The following GRIN2B variants were observed in gnomAD, a reference collection of about 807,000 sequenced individuals.
GRIN2B encodes glutamate ionotropic receptor NMDA type subunit 2B, also known as glutamate receptor ionotropic, NMDA 2B.
In GRIN2B, 5 loss-of-function variants were observed where a neutral mutation model predicts 114.5. The observed-to-expected ratio is 0.04, with a 90% confidence interval of 0.02 to 0.09. The LOEUF is 0.09. GRIN2B is among the 10% of genes least tolerant of loss of function. GRIN2B has a pLI of 1.00. For missense variants in GRIN2B, 1,108 were observed against 1,943.5 expected (o/e 0.57, Z 8.08); for synonymous variants, 787 against 745.1 (o/e 1.06, Z -0.92).
chr12:13,787,290 G>A (rs931997074), intron 3 of GRIN2B, among the ~76,000 whole-genome samples: 8 of 152,176 alleles, frequency 5.3e-5, no homozygotes, highest in South Asian at 2.1e-4. Flanking sequence ...TATCGGACAC[G>A]TATCATCAGA....
intron 2 of GRIN2B, among the ~76,000 whole-genome samples, chr12:13,908,004 C>T (rs750404189): frequency 1.3e-5 from 2 of 151,900 alleles, no homozygotes; most frequent in Non-Finnish European, 2.9e-5. Flanking sequence ...TTTAAAAAGT[C>T]CTAATTCAAC....
intron 11 of GRIN2B, among the ~76,000 whole-genome samples, chr12:13,570,487 G>T (rs537805363): frequency 3.9e-5 from 6 of 152,168 alleles, no homozygotes; most frequent in Non-Finnish European, 7.4e-5. Flanking sequence ...GGTCAGGAAG[G>T]TTCCAGTATT....
At chr12:13,605,141 G>A (rs893557365) in intron 10 of GRIN2B, among the ~76,000 whole-genome samples, 4 of 150,634 alleles carry the variant, frequency 2.7e-5, no homozygotes, top group African/African-American at 1.0e-4. Flanking sequence ...GTCAGACAGA[G>A]GAATAGGTGG....
At chr12:13,959,701 C>T (rs953473264) in intron 2 of GRIN2B, among the ~76,000 whole-genome samples, 18 of 150,454 alleles carry the variant, frequency 1.2e-4, no homozygotes, top group East Asian at 3.9e-4. Flanking sequence ...AATGTGTTGG[C>T]GAAGAGATGC....
intron 2 of GRIN2B, among the ~76,000 whole-genome samples, chr12:13,913,835 TTCTC>T (rs1366937647): frequency 1.3e-5 from 2 of 152,174 alleles, no homozygotes; most frequent in Non-Finnish European, 2.9e-5. Context: ...ACAACTTACT[TTCTC>T]TCTCCAAACC....
intron 3 of GRIN2B, among the ~76,000 whole-genome samples, chr12:13,761,505 A>G (rs923640895): frequency 1.3e-5 from 2 of 152,238 alleles, no homozygotes; most frequent in Non-Finnish European, 2.9e-5. Flanking sequence ...AGATACCTAA[A>G]CGAATTACAG....
In GRIN2B at chr12:13,547,053, A is replaced by G. The variant is rs904234916; in HGVS notation, c.*15730T>C. 20 of 152,234 alleles carry G rather than the reference A, an allele frequency of 1.3e-4. No homozygotes were observed. Among genetic ancestry groups the G allele is most frequent in the African/African-American group, 4.6e-4 (19 of 41,456 alleles). 9.4% of individuals were successfully genotyped at this position (152,234 alleles called of 1,614,324 possible). On this transcript the variant is annotated 3_prime_UTR_variant, in exon 14 of 14. Transcript: ENST00000609686. ...ACTTCCTAAGTTAAAAAATGATGAGAAAACCATGAAAAATTACTGTCAAGG... is the reference window on the plus strand; with the variant it reads ...ACTTCCTAAGTTAAAAAATGATGAGGAAACCATGAAAAATTACTGTCAAGG...
rs997257860 is a variant in GRIN2B, at chr12:13,545,867, C to T, written c.*16916G>A. 6.6e-6 allele frequency: 1 copy of T among 152,090 alleles called. No homozygotes were observed. Among genetic ancestry groups the T allele is most frequent in the Non-Finnish European group, 1.5e-5 (1 of 68,028 alleles). 9.4% of individuals were successfully genotyped at this position (152,090 alleles called of 1,614,324 possible). ...TGCTTAGAACATATGATCTACTACCCGCCAGTAATATTTTATAGCTTAGAA... is the reference window on the plus strand; with the variant it reads ...TGCTTAGAACATATGATCTACTACCTGCCAGTAATATTTTATAGCTTAGAA... On this transcript the variant is annotated 3_prime_UTR_variant, in exon 14 of 14. Transcript: ENST00000609686.
At chr12:13,949,866 T>C (rs1348956066) in intron 2 of GRIN2B, among the ~76,000 whole-genome samples, 1 of 152,088 alleles carries the variant, frequency 6.6e-6, no homozygotes, top group African/African-American at 2.4e-5. Context: ...ACCAAACCAA[T>C]CAAATTTATG....
intron 5 of GRIN2B, among the ~76,000 whole-genome samples, chr12:13,634,633 C>T (rs1431191650): frequency 1.3e-5 from 2 of 152,146 alleles, no homozygotes; most frequent in Non-Finnish European, 2.9e-5. Flanking sequence ...CATCACATGG[C>T]CACACCTCAC....
chr12:13,691,368 T>C (rs1950213955), intron 4 of GRIN2B, among the ~76,000 whole-genome samples: 1 of 152,164 alleles, frequency 6.6e-6, no homozygotes, highest in Non-Finnish European at 1.5e-5. Context: ...CAGGACATGA[T>C]GAAGTAGTTC....
chr12:13,598,310 T>C (rs1233039156), intron 10 of GRIN2B, among the ~76,000 whole-genome samples: 5 of 152,178 alleles, frequency 3.3e-5, no homozygotes, highest in Non-Finnish European at 7.4e-5. Flanking sequence ...GAAAGGCCTT[T>C]GGGCAGGGAG....
At chr12:13,930,391 T>C (rs1440787779) in intron 2 of GRIN2B, among the ~76,000 whole-genome samples, 2 of 152,118 alleles carry the variant, frequency 1.3e-5, no homozygotes, top group African/African-American at 4.8e-5. Context: ...GGCAGATTCA[T>C]GGTGCAATCA....
intron 3 of GRIN2B, among the ~76,000 whole-genome samples, chr12:13,824,855 C>CAAAAAA (rs34417194): frequency 1.1e-5 from 1 of 95,110 alleles, no homozygotes. Context: ...GACTCCATTT[C>CAAAAAA]AAAAAAAAAA....
intron 4 of GRIN2B, among the ~76,000 whole-genome samples, chr12:13,707,846 T>G (rs888840824): frequency 6.6e-6 from 1 of 152,114 alleles, no homozygotes. Context: ...CAAATCTCTT[T>G]GAGAATTTGT....
At chr12:13,585,827 A>G (rs1948914913) in intron 10 of GRIN2B, among the ~76,000 whole-genome samples, 2 of 152,134 alleles carry the variant, frequency 1.3e-5, no homozygotes, top group South Asian at 4.1e-4. Context: ...TTCTGTCTCC[A>G]TCTCTTTTGT....
chr12:13,889,253 C>G (rs79394981), intron 2 of GRIN2B, among the ~76,000 whole-genome samples: 1 of 152,132 alleles, frequency 6.6e-6, no homozygotes, highest in Non-Finnish European at 1.5e-5. Flanking sequence ...ATGGGACCAC[C>G]GTCAAATATG....
At chr12:13,896,804 G>A (rs574659269) in intron 2 of GRIN2B, among the ~76,000 whole-genome samples, 4 of 152,140 alleles carry the variant, frequency 2.6e-5, no homozygotes, top group Non-Finnish European at 5.9e-5. Flanking sequence ...AAGCACTACC[G>A]ACAGAGCTAG....
chr12:13,859,436 C>G (rs1050369042), intron 3 of GRIN2B, among the ~76,000 whole-genome samples: 3 of 152,172 alleles, frequency 2.0e-5, no homozygotes, highest in Non-Finnish European at 2.9e-5. Flanking sequence ...TGCTGGCCAA[C>G]AAGAAACACA....
Sources: allele counts gnomAD v4.1 joint callset (sites outside exome capture counted in the v4.1 genomes callset), GRCh38; gene constraint gnomAD v4.1.1; transcripts MANE v1.5; gene names NCBI Gene and HGNC (gene_info 2026-07-23, HGNC 2026-07-21).